The following NKAIN3 variants were observed in gnomAD, a reference collection of about 807,000 sequenced individuals.
NKAIN3 encodes the protein sodium/potassium-transporting ATPase subunit beta-1-interacting protein 3.
NKAIN3 carries 25 observed loss-of-function variants against 30.2 expected under a neutral mutation model. The observed-to-expected ratio is 0.83, with a 90% confidence interval of 0.60 to 1.16. The LOEUF (loss-of-function observed/expected upper bound fraction) is 1.16, where lower values mean the gene tolerates loss of function less well. Among genes scored for constraint, NKAIN3 ranks in the 50% most tolerant of loss-of-function variants. NKAIN3 has a pLI of 0.00. For missense variants in NKAIN3, 225 were observed against 254.1 expected, an observed-to-expected ratio of 0.89 and a Z score of 0.78; for synonymous variants, 91 against 89.6, an observed-to-expected ratio of 1.02 and a Z score of -0.09.
intron 1 of NKAIN3, among the ~76,000 whole-genome samples, chr8:62,496,133 ATTAAT>A (rs1413854702): frequency 2.6e-5 from 4 of 152,188 alleles, no homozygotes; most frequent in African/African-American, 9.6e-5. Flanking sequence ...ATCATGGCCT[ATTAAT>A]TTAACAGTCT....
At chr8:62,994,026 A>C (rs534446810) in intron 5 of NKAIN3, among the ~76,000 whole-genome samples, 4 of 152,312 alleles carry the variant, frequency 2.6e-5, no homozygotes, top group East Asian at 3.9e-4. Flanking sequence ...TACTTTGGGA[A>C]GACTTTAAAT....
At chr8:62,961,876 A>C (rs190549878) in intron 6 of NKAIN3, among the ~76,000 whole-genome samples, 228 of 152,318 alleles carry the variant, frequency 1.5e-3, no homozygotes, top group African/African-American at 5.4e-3. Flanking sequence ...AAGAAATTTC[A>C]TTATAAATTA....
chr8:62,696,608 G>A (rs560435555), intron 3 of NKAIN3, among the ~76,000 whole-genome samples: 28 of 151,970 alleles, frequency 1.8e-4, no homozygotes, highest in Non-Finnish European at 3.5e-4. Flanking sequence ...AATCCAATGT[G>A]ATAGAAATTC....
At position 62,969,848 on chromosome 8, in the gene NKAIN3, T is replaced by A. The variant is rs542430910; in HGVS notation, c.*4441T>A. 9.9e-5 allele frequency among the ~76,000 whole-genome samples: 15 copies of A among 152,184 alleles called. No homozygotes were observed. The East Asian group carries it at 2.9e-3, about 29-fold the overall frequency. ...AACTTAAGGATATTATGCCCAAAAG[T>A]GAACTGACAGAGGAAAGTACTCTTC... On this transcript the variant is annotated 3_prime_UTR_variant, in exon 7 of 7. Coordinates refer to ENST00000623646, the MANE Select transcript of NKAIN3 (RefSeq NM_001304533.3).
chr8:62,519,172 A>G (rs535979682), intron 1 of NKAIN3, among the ~76,000 whole-genome samples: 4 of 152,286 alleles, frequency 2.6e-5, no homozygotes, highest in East Asian at 1.9e-4. Flanking sequence ...CAGTGTTAGC[A>G]TATTACCAAC....
At chr8:62,770,604 A>G (rs12678632) in intron 4 of NKAIN3, among the ~76,000 whole-genome samples, 84,972 of 151,756 alleles carry the variant, frequency 0.56, 25,134 homozygotes, top group Non-Finnish European at 0.67. Context: ...ATCCACTGAT[A>G]CCATCACATT....
intron 1 of NKAIN3, among the ~76,000 whole-genome samples, chr8:62,518,914 T>G (rs899815719): frequency 3.1e-4 from 47 of 152,268 alleles, no homozygotes; most frequent in African/African-American, 1.1e-3. Context: ...GTTTTGTTGG[T>G]TCTACTATGA....
At chr8:62,904,782 G>A (rs183561639) in intron 4 of NKAIN3, among the ~76,000 whole-genome samples, 1 of 152,310 alleles carries the variant, frequency 6.6e-6, no homozygotes, top group East Asian at 1.9e-4. Context: ...TGTTAGAAAT[G>A]CAAAGTTGAA....
chr8:62,637,998 G>A (rs1397579049), intron 3 of NKAIN3, among the ~76,000 whole-genome samples: 2 of 152,096 alleles, frequency 1.3e-5, no homozygotes, highest in African/African-American at 4.8e-5. Flanking sequence ...ATCTCTGGGG[G>A]CTTTAATATT....
intron 3 of NKAIN3, among the ~76,000 whole-genome samples, chr8:62,733,170 A>C (rs962224638): frequency 3.3e-5 from 5 of 152,170 alleles, no homozygotes; most frequent in Non-Finnish European, 7.4e-5. Context: ...CCCTCCACCT[A>C]AACAATACTA....
At chr8:62,341,795 G>A (rs1023590362) in intron 1 of NKAIN3, among the ~76,000 whole-genome samples, 4 of 151,962 alleles carry the variant, frequency 2.6e-5, no homozygotes, top group African/African-American at 9.7e-5. Context: ...AGACCCATGA[G>A]GTTCATTGTG....
intron 3 of NKAIN3, among the ~76,000 whole-genome samples, chr8:62,648,272 G>C (rs995758770): frequency 3.9e-4 from 60 of 152,092 alleles, no homozygotes; most frequent in African/African-American, 1.4e-3. Flanking sequence ...GGAGATCTGA[G>C]AGTCATGAGA....
chr8:62,493,421 C>T (rs905437888), intron 1 of NKAIN3, among the ~76,000 whole-genome samples: 5 of 152,124 alleles, frequency 3.3e-5, no homozygotes, highest in African/African-American at 1.2e-4. Context: ...GTTTTGGTTA[C>T]TATAGCCCTG....
chr8:62,810,372 A>G (rs1393393850), intron 4 of NKAIN3, among the ~76,000 whole-genome samples: 1 of 151,682 alleles, frequency 6.6e-6, no homozygotes, highest in East Asian at 1.9e-4. Flanking sequence ...TCAGGTAAAA[A>G]AGTGTTTTAT....
chr8:62,678,863 A>C (rs1813563494), intron 3 of NKAIN3, among the ~76,000 whole-genome samples: 1 of 152,168 alleles, frequency 6.6e-6, no homozygotes, highest in African/African-American at 2.4e-5. Flanking sequence ...ATAACACATG[A>C]ATACTAATTT....
At chr8:62,329,611 AT>A (rs1412397946) in intron 1 of NKAIN3, among the ~76,000 whole-genome samples, 1 of 152,082 alleles carries the variant, frequency 6.6e-6, no homozygotes, top group Non-Finnish European at 1.5e-5. Flanking sequence ...CTGTTCCTGT[AT>A]TAGTCGCTTA....
intron 4 of NKAIN3, among the ~76,000 whole-genome samples, chr8:62,890,594 A>C (rs1249904442): frequency 6.6e-6 from 1 of 152,226 alleles, no homozygotes. Context: ...CAGGTATGAA[A>C]TGTATATAAA....
intron 4 of NKAIN3, among the ~76,000 whole-genome samples, chr8:62,843,143 A>C (rs1819579572): frequency 6.6e-6 from 1 of 151,870 alleles, no homozygotes; most frequent in Non-Finnish European, 1.5e-5. Context: ...TGGGTCATAC[A>C]GAGGAGATAG....
chr8:62,724,964 T>G (rs1468996596), intron 3 of NKAIN3, among the ~76,000 whole-genome samples: 1 of 152,150 alleles, frequency 6.6e-6, no homozygotes, highest in Admixed American at 6.5e-5. Flanking sequence ...TGAACTGTTC[T>G]CCACAGTGGT....
Sources: allele counts gnomAD v4.1 joint callset (sites outside exome capture counted in the v4.1 genomes callset), GRCh38; gene constraint gnomAD v4.1.1; transcripts MANE v1.5; gene names NCBI Gene and HGNC (gene_info 2026-07-23, HGNC 2026-07-21).